The following ADGRL2 variants were observed in gnomAD, a reference collection of about 807,000 sequenced individuals.
The protein encoded by ADGRL2 is adhesion G protein-coupled receptor L2.
Under a neutral mutation model 157.4 loss-of-function variants are expected in ADGRL2, and 44 were observed. The observed-to-expected ratio is 0.28, with a 90% CI of 0.22 to 0.36. The LOEUF is 0.36. Among genes scored for constraint, ADGRL2 ranks in the 10% least tolerant of loss-of-function variants. The pLI is 1.00. For missense variants in ADGRL2, 1,510 were observed against 1,768.9 expected (o/e 0.85, Z 2.63); for synonymous variants, 585 against 624.7 (o/e 0.94, Z 0.95).
intron 2 of ADGRL2, among the ~76,000 whole-genome samples, chr1:81,535,384 AC>A (rs1171879023): frequency 6.6e-6 from 1 of 151,804 alleles, no homozygotes; most frequent in Non-Finnish European, 1.5e-5. Flanking sequence ...GGTGATTATG[AC>A]CCTTATCTCA....
intron 3 of ADGRL2, among the ~76,000 whole-genome samples, chr1:81,629,760 T>C (rs1044201175): frequency 6.6e-6 from 1 of 151,836 alleles, no homozygotes; most frequent in East Asian, 1.9e-4. Flanking sequence ...TGTATATATA[T>C]GTATATATAT....
At chr1:81,618,180 T>C (rs982086621) in intron 3 of ADGRL2, among the ~76,000 whole-genome samples, 10 of 152,168 alleles carry the variant, frequency 6.6e-5, no homozygotes, top group African/African-American at 2.4e-4. Flanking sequence ...TAATCATAGG[T>C]AATTTGTATT....
chr1:81,721,574 G>A, intron 1 of ADGRL2: 2 of 507,570 alleles, frequency 3.9e-6, no homozygotes, highest in African/African-American at 1.9e-5. Flanking sequence ...TAGGCAACAT[G>A]GCAAACCCCA....
chr1:81,361,946 T>A (rs1281928391), intron 1 of ADGRL2, among the ~76,000 whole-genome samples: 1 of 151,798 alleles, frequency 6.6e-6, no homozygotes, highest in Non-Finnish European at 1.5e-5. Flanking sequence ...GGTTTTTTTT[T>A]AGAAACAAAT....
intron 2 of ADGRL2, among the ~76,000 whole-genome samples, chr1:81,840,698 A>T (rs972925832): frequency 6.6e-6 from 1 of 152,178 alleles, no homozygotes; most frequent in African/African-American, 2.4e-5. Flanking sequence ...GTAAAATAGG[A>T]TTAATATTTT....
chr1:81,776,259 G>A (rs2086580281), intron 2 of ADGRL2, among the ~76,000 whole-genome samples: 1 of 149,404 alleles, frequency 6.7e-6, no homozygotes, highest in South Asian at 2.1e-4. Flanking sequence ...CACAATCTCT[G>A]CTCACTGCAA....
intron 2 of ADGRL2, among the ~76,000 whole-genome samples, chr1:81,465,092 A>C (rs2078025501): frequency 1.3e-5 from 2 of 152,142 alleles, no homozygotes; most frequent in Non-Finnish European, 1.5e-5. Flanking sequence ...TATTTCAGCT[A>C]CGTTGTTTAG....
chr1:81,443,972 T>C (rs147032095), intron 1 of ADGRL2, among the ~76,000 whole-genome samples: 3 of 152,310 alleles, frequency 2.0e-5, no homozygotes, highest in African/African-American at 7.2e-5. Context: ...TGATCTGAAG[T>C]ACTCTTATCA....
chr1:81,412,504 G>A (rs1557669644), intron 1 of ADGRL2, among the ~76,000 whole-genome samples: 1 of 152,124 alleles, frequency 6.6e-6, no homozygotes, highest in African/African-American at 2.4e-5. Flanking sequence ...TCTTCATAGT[G>A]TAGTGCTATC....
Position 81,984,719 on chromosome 1 carries a change from A to G in ADGRL2, c.3411+8A>G, listed in dbSNP as rs1662660747. The G allele has an allele frequency of 6.2e-7, 1 of 1,612,070 alleles. No individual in the cohort carries two copies. The highest frequency in any genetic ancestry group is 1.3e-5 in the African/African-American group (1 of 74,912). On this transcript the variant is annotated splice_region_variant and intron_variant, in intron 20 of 23. Transcript: ENST00000686636. ...TATTCCTCTGGCACACAGGTAACAAAGAGTTTGACAGCATCTTTAATTAAC... is the reference window on the plus strand; with the variant it reads ...TATTCCTCTGGCACACAGGTAACAAGGAGTTTGACAGCATCTTTAATTAAC...
At position 81,604,130 on chromosome 1, in the gene ADGRL2, AT is replaced by A. The variant is rs1174329550; in HGVS notation, c.-143+23158del. Among the ~76,000 whole-genome samples the A allele has an allele frequency of 3.3e-5, 5 of 151,778 alleles. No individual in the cohort carries two copies. In the East Asian group the frequency reaches 9.8e-4, roughly 30 times the overall value. ...AGGCGCATGCCACCACACCCGGTTAATTTTTTTTAATTTTGGTAGAGACGAG... is the reference window on the plus strand; with the variant it reads ...AGGCGCATGCCACCACACCCGGTTAATTTTTTTAATTTTGGTAGAGACGAG... On this transcript the variant is annotated intron_variant, in intron 3 of 24. Coordinates refer to the ADGRL2 transcript ENST00000370721.
chr1:81,960,402 C>T lies in ADGRL2; in HGVS notation c.2017+4342C>T, dbSNP rs978120731. Among the ~76,000 whole-genome samples the T allele has an allele frequency of 9.2e-5, 14 of 152,106 alleles. 1 individual carries two copies. The highest frequency in any genetic ancestry group is 1.9e-4 in the East Asian group (1 of 5,164). ...TTTTATTTCCTTGTGATTTTCAGAT[C>T]GGTTCCATGGTTTAGATGTTATCAG... On this transcript the variant is annotated intron_variant, in intron 11 of 23. Coordinates refer to ENST00000686636, the MANE Select transcript of ADGRL2 (RefSeq NM_001366006.2).
chr1:81,376,008 C>T (rs539578817), intron 1 of ADGRL2, among the ~76,000 whole-genome samples: 1 of 152,298 alleles, frequency 6.6e-6, no homozygotes, highest in African/African-American at 2.4e-5. Context: ...AATCCAGCAT[C>T]ATTACGAAGA....
intron 2 of ADGRL2, among the ~76,000 whole-genome samples, chr1:81,452,705 A>G (rs2101747918): frequency 6.6e-6 from 1 of 152,336 alleles, no homozygotes; most frequent in Non-Finnish European, 1.5e-5. Context: ...TAAAAGAGAT[A>G]TCAGAGACTA....
chr1:81,772,494 C>T (rs1001067019), intron 2 of ADGRL2, among the ~76,000 whole-genome samples: 1 of 151,570 alleles, frequency 6.6e-6, no homozygotes, highest in South Asian at 2.1e-4. Flanking sequence ...TGTGGGAGGC[C>T]GAGGCGGGTA....
intron 2 of ADGRL2, among the ~76,000 whole-genome samples, chr1:81,848,468 G>A (rs2092879507): frequency 6.6e-6 from 1 of 151,888 alleles, no homozygotes; most frequent in South Asian, 2.1e-4. Flanking sequence ...TCTTGCTGTA[G>A]AACTTTATAT....
chr1:81,805,302 C>A (rs1382261802), intron 1 of ADGRL2, among the ~76,000 whole-genome samples: 3 of 151,920 alleles, frequency 2.0e-5, no homozygotes, highest in African/African-American at 7.2e-5. Context: ...TCTTCAATTT[C>A]TTGGGAAGAA....
intron 3 of ADGRL2, among the ~76,000 whole-genome samples, chr1:81,680,720 T>A (rs1031902151): frequency 7.9e-5 from 12 of 152,084 alleles, no homozygotes; most frequent in African/African-American, 2.7e-4. Context: ...AAATTTTTTT[T>A]AAATTGTATC....
intron 2 of ADGRL2, among the ~76,000 whole-genome samples, chr1:81,559,816 AC>A (rs1182311893): frequency 6.6e-6 from 1 of 152,154 alleles, no homozygotes; most frequent in Non-Finnish European, 1.5e-5. Flanking sequence ...ATTGTGTAGT[AC>A]CTCACACGGC....
Sources: gnomAD v4.1 joint callset for allele counts (sites outside exome capture counted in the v4.1 genomes callset) on GRCh38, gnomAD v4.1.1 for gene constraint, MANE v1.5 for transcripts, NCBI Gene and HGNC (gene_info 2026-07-23, HGNC 2026-07-21) for gene names.